Variants in WWC2 observed in about 807,000 individuals in gnomAD.
WWC2 encodes the protein WW and C2 domain containing 2, also known as protein WWC2.
In WWC2, 101 loss-of-function variants were observed where a neutral mutation model predicts 138.5. The ratio of observed to expected loss-of-function variants is 0.73; its 90% CI spans 0.62 to 0.86. WWC2 has a LOEUF of 0.86. Ranked by LOEUF, WWC2 falls within the 40% of genes least tolerant of loss-of-function variation. The pLI is 0.00. For synonymous variants in WWC2, 558 were observed against 538.4 expected (o/e 1.04, Z -0.50); for missense variants, 1,420 against 1,419.4 (o/e 1.00, Z -0.01).
intron 9 of WWC2, among the ~76,000 whole-genome samples, chr4:183,257,405 CT>C (rs1441732278): frequency 2.0e-5 from 3 of 152,082 alleles, no homozygotes; most frequent in Admixed American, 2.0e-4. Flanking sequence ...CTGCAGGGCA[CT>C]GAGGGCAGAG....
intron 8 of WWC2, among the ~76,000 whole-genome samples, chr4:183,252,087 A>G (rs888004689): frequency 2.6e-5 from 4 of 152,194 alleles, no homozygotes; most frequent in African/African-American, 9.7e-5. Context: ...CTAACATGCA[A>G]TTTTATTTTT....
intron 22 of WWC2, among the ~76,000 whole-genome samples, chr4:183,313,028 C>T (rs1328346135): frequency 1.3e-5 from 2 of 152,046 alleles, no homozygotes; most frequent in African/African-American, 2.4e-5. Flanking sequence ...GCTGGGGCTG[C>T]GGGCACCAGC....
At chr4:183,110,406 T>C (rs1049835541) in intron 1 of WWC2, among the ~76,000 whole-genome samples, 2 of 151,944 alleles carry the variant, frequency 1.3e-5, no homozygotes, top group Non-Finnish European at 2.9e-5. Context: ...CTTTGAAGCA[T>C]GTCCCAAAGA....
At chr4:183,194,053 T>C (rs1242828262) in intron 2 of WWC2, among the ~76,000 whole-genome samples, 1 of 152,186 alleles carries the variant, frequency 6.6e-6, no homozygotes, top group Non-Finnish European at 1.5e-5. Context: ...GGCTCTTCCT[T>C]TCCTTGTGTT....
intron 1 of WWC2, among the ~76,000 whole-genome samples, chr4:183,102,221 A>G (rs1297283315): frequency 1.3e-5 from 2 of 152,166 alleles, no homozygotes; most frequent in Non-Finnish European, 2.9e-5. Context: ...TCAGCTCTAA[A>G]ATGAGGATAA....
At position 183,261,068 on chromosome 4, in the gene WWC2, A is replaced by T; in HGVS notation, c.1445A>T (p.Tyr482Phe). 1 of 1,614,054 alleles carries T rather than the reference A, an allele frequency of 6.2e-7. No homozygotes were observed. Among genetic ancestry groups the T allele is most frequent in the Non-Finnish European group, 8.5e-7 (1 of 1,179,892 alleles). Residue 482 changes from tyrosine to phenylalanine, a missense_variant, in exon 11 of 23, where the codon TAT (tyrosine) becomes TTT (phenylalanine). Coordinates refer to ENST00000403733, the MANE Select transcript of WWC2 (RefSeq NM_024949.6). ...SSQSDQIDVD[Y>F]QYKLDFLLQE... is the part of the protein sequence containing the mutation. Reference sequence around the variant, plus strand: ...CAAAGTGATCAGATAGATGTGGATTATCAGTATAAACTGGACTTCCTTCTG... The same window carrying T: ...CAAAGTGATCAGATAGATGTGGATTTTCAGTATAAACTGGACTTCCTTCTG...
intron 1 of WWC2, among the ~76,000 whole-genome samples, chr4:183,113,071 G>A (rs929432643): frequency 6.6e-5 from 10 of 151,996 alleles, no homozygotes; most frequent in Non-Finnish European, 1.3e-4. Context: ...TCAGGAGTTC[G>A]AGACCAGCCT....
chr4:183,237,464 T>C (rs899663069), intron 4 of WWC2, among the ~76,000 whole-genome samples: 1 of 152,208 alleles, frequency 6.6e-6, no homozygotes, highest in Non-Finnish European at 1.5e-5. Flanking sequence ...TGTGATATAC[T>C]GCGAATGAGC....
intron 22 of WWC2, among the ~76,000 whole-genome samples, chr4:183,312,830 C>T (rs772168594): frequency 2.0e-5 from 3 of 152,208 alleles, no homozygotes; most frequent in Non-Finnish European, 2.9e-5. Context: ...AACCTTACAC[C>T]TTGTCAGGCT....
At chr4:183,310,299 C>T (rs967085219) in intron 21 of WWC2, among the ~76,000 whole-genome samples, 8 of 152,042 alleles carry the variant, frequency 5.3e-5, no homozygotes, top group African/African-American at 1.2e-4. Flanking sequence ...ATACATGAGT[C>T]GGGGCAGGGA....
At chr4:183,206,864 A>G (rs913665446) in intron 2 of WWC2, among the ~76,000 whole-genome samples, 20 of 152,250 alleles carry the variant, frequency 1.3e-4, no homozygotes, top group African/African-American at 4.8e-4. Context: ...AAATATGTTA[A>G]TTTTAAAATG....
chr4:183,206,360 T>A (rs1735446890), intron 2 of WWC2, among the ~76,000 whole-genome samples: 1 of 152,148 alleles, frequency 6.6e-6, no homozygotes, highest in African/African-American at 2.4e-5. Context: ...CTTCTTTTTG[T>A]CCCAAATTAT....
At chr4:183,185,789 C>T (rs969722516) in intron 1 of WWC2, among the ~76,000 whole-genome samples, 1 of 151,802 alleles carries the variant, frequency 6.6e-6, no homozygotes, top group Non-Finnish European at 1.5e-5. Flanking sequence ...TTTTCTCTGC[C>T]CAGGCTATTC....
intron 1 of WWC2, among the ~76,000 whole-genome samples, chr4:183,183,840 CATT>C (rs928825398): frequency 3.9e-5 from 6 of 152,030 alleles, no homozygotes; most frequent in Non-Finnish European, 1.5e-5. Context: ...ATTTTAGCCT[CATT>C]ATTTTATTGT....
chr4:183,263,554 T>C (rs1737402592), intron 11 of WWC2, among the ~76,000 whole-genome samples: 1 of 152,230 alleles, frequency 6.6e-6, no homozygotes, highest in Non-Finnish European at 1.5e-5. Flanking sequence ...ATCCAAGAGC[T>C]TTGATTGCAG....
rs1737306125 is a variant in WWC2, at chr4:183,261,049, G to A, written c.1426G>A (p.Asp476Asn). 25 of 1,614,016 alleles carry A rather than the reference G, an allele frequency of 1.5e-5. No individual in the cohort carries two copies. Among genetic ancestry groups the A allele is most frequent in the Non-Finnish European group, 2.1e-5 (25 of 1,179,890 alleles). Residue 476 changes from aspartate to asparagine, a missense_variant, in exon 11 of 23, where the codon GAT becomes AAT. By Grantham distance (23) the Asp-to-Asn change is conservative. Transcript: ENST00000403733. ...CGAACTCTATTACAGCAGTCAAAGT[G>A]ATCAGATAGATGTGGATTATCAGTA... The part of the protein sequence containing the change: ...STELYYSSQS[D>N]QIDVDYQYKL...
chr4:183,260,891 T>G lies in WWC2; in HGVS notation c.1287-19T>G, dbSNP rs952693453. On this transcript the variant is annotated intron_variant, in intron 10 of 22. Transcript: ENST00000403733. ...CCATTTTGTAACAGATTTTATGGTG[T>G]GTGCTTTTTGTCTTTCAGCCTCTCT... is the stretch of plus-strand genomic sequence containing the variant. The G allele has an allele frequency of 1.2e-6, 2 of 1,610,820 alleles. No individual in the cohort carries two copies. Among genetic ancestry groups the G allele is most frequent in the East Asian group, 2.2e-5 (1 of 44,850 alleles).
chr4:183,289,876 T>TG (rs1738386082), intron 21 of WWC2, among the ~76,000 whole-genome samples: 1 of 143,796 alleles, frequency 7.0e-6, no homozygotes, highest in Non-Finnish European at 1.5e-5. Flanking sequence ...GCGTGGCCAG[T>TG]AGGGTGAGGG....
At position 183,179,127 on chromosome 4, in the gene WWC2, A is replaced by G. The variant is rs150890772; in HGVS notation, c.132-14472A>G. ...GCCTCATAAATTATATTGTTGAATG[A>G]AAAAAGTAAACTTCAGAACGATGTG... On this transcript the variant is annotated intron_variant, in intron 1 of 22. Coordinates refer to ENST00000403733, the MANE Select transcript of WWC2 (RefSeq NM_024949.6). Among the ~76,000 whole-genome samples, 445 of 152,328 alleles carry G rather than the reference A, an allele frequency of 2.9e-3. 2 individuals are homozygous for G. Among genetic ancestry groups the G allele is most frequent in the African/African-American group, 0.01 (430 of 41,572 alleles).
Sources: gnomAD v4.1 joint callset for allele counts (sites outside exome capture counted in the v4.1 genomes callset) on GRCh38, gnomAD v4.1.1 for gene constraint, MANE v1.5 for transcripts, NCBI Gene and HGNC (gene_info 2026-07-23, HGNC 2026-07-21) for gene names.